Variants in RNF141 observed in about 807,000 individuals in gnomAD.
RNF141 encodes ring finger protein 141, also known as C3HC4-like zinc finger protein.
In RNF141, 18 loss-of-function variants were observed where a neutral mutation model predicts 27.4. The observed-to-expected ratio is 0.66, with a 90% CI of 0.45 to 0.97. The LOEUF (loss-of-function observed/expected upper bound fraction) is 0.97, where lower values mean the gene tolerates loss of function less well. Ranked by LOEUF, RNF141 falls within the 50% of genes least tolerant of loss-of-function variation. RNF141 has a pLI of 0.00. For missense variants in RNF141, 230 were observed against 279.4 expected (o/e 0.82, Z 1.26); for synonymous variants, 97 against 96.6 (o/e 1.00, Z -0.02).
At chr11:10,524,327 A>G (rs986484451) in intron 4 of RNF141, among the ~76,000 whole-genome samples, 1 of 152,176 alleles carries the variant, frequency 6.6e-6, no homozygotes, top group Non-Finnish European at 1.5e-5. Context: ...AGGCAGGAGA[A>G]TGGCGTGAAC....
chr11:10,516,490 A>T (rs1318119006), intron 5 of RNF141: 2 of 152,244 alleles, frequency 1.3e-5, no homozygotes, highest in African/African-American at 4.8e-5. Context: ...GAACACACAG[A>T]GCTGAGAATC....
intron 1 of RNF141, among the ~76,000 whole-genome samples, chr11:10,538,518 A>G (rs1591502420): frequency 1.3e-5 from 2 of 152,296 alleles, no homozygotes; most frequent in African/African-American, 2.4e-5. Flanking sequence ...TGGTGACTGC[A>G]CATATTTCTA....
In RNF141 at chr11:10,512,589, G is replaced by A. The variant is rs1849810163; in HGVS notation, c.*2327C>T. The A allele has an allele frequency of 6.6e-6, 1 of 152,182 alleles. No homozygotes were observed. The highest frequency in any genetic ancestry group is 1.5e-5 in the Non-Finnish European group (1 of 68,010). The allele number at this position is 152,182 out of a possible 1,614,324, so 9.4% of individuals were successfully genotyped here. A position where few individuals can be genotyped will look rare whatever the true frequency, so the allele number is the denominator to read the frequency against. On this transcript the variant is annotated 3_prime_UTR_variant, in exon 6 of 6. Coordinates refer to ENST00000265981, the MANE Select transcript of RNF141 (RefSeq NM_016422.4). ...ACTTTTCAGAAACATTTTAAAATTA[G>A]GTAATCTGAATTAAACTCAGCAAGT... is the stretch of plus-strand genomic sequence containing the variant.
chr11:10,515,888 A>T (rs565098599), intron 5 of RNF141: 2 of 152,350 alleles, frequency 1.3e-5, no homozygotes, highest in African/African-American at 4.8e-5. Context: ...TGGCAGGGGA[A>T]GAACTCATAT....
chr11:10,512,402 C>G lies in RNF141; in HGVS notation c.*2514G>C, dbSNP rs1849808587. ...ATAACATTTTATATTCACAGTAGAT[C>G]AGTAAGTGTCTTGGAGCTCATATTG... On this transcript the variant is annotated 3_prime_UTR_variant, in exon 6 of 6. Coordinates refer to ENST00000265981, the MANE Select transcript of RNF141 (RefSeq NM_016422.4). 1 of 152,536 alleles carries G rather than the reference C, an allele frequency of 6.6e-6. No homozygotes were observed. Among genetic ancestry groups the G allele is most frequent in the South Asian group, 2.1e-4 (1 of 4,822 alleles). The allele number at this position is 152,536 out of a possible 1,614,324, so 9.4% of individuals were successfully genotyped here.
At chr11:10,535,242 A>T (rs1850023581) in intron 1 of RNF141, among the ~76,000 whole-genome samples, 4 of 151,914 alleles carry the variant, frequency 2.6e-5, no homozygotes, top group Admixed American at 2.6e-4. Context: ...ATATAACTTT[A>T]TGAAGTTAGT....
intron 1 of RNF141, among the ~76,000 whole-genome samples, chr11:10,536,453 G>C (rs1269977875): frequency 6.6e-6 from 1 of 152,018 alleles, no homozygotes; most frequent in East Asian, 1.9e-4. Context: ...GACCAAAACT[G>C]GAATAAATGA....
chr11:10,529,742 G>C (rs1332553918), intron 3 of RNF141, among the ~76,000 whole-genome samples: 3 of 152,216 alleles, frequency 2.0e-5, no homozygotes, highest in East Asian at 3.8e-4. Context: ...GATCAGAAGA[G>C]AGAGATCAGT....
At chr11:10,519,184 A>G (rs781288643) in intron 4 of RNF141, 43 bp from the exon 5 acceptor site, 70 of 1,528,858 alleles carry the variant, frequency 4.6e-5, no homozygotes, top group Non-Finnish European at 6.3e-5. Flanking sequence ...ATTCTCTGTC[A>G]TTATGCTTTA....
intron 3 of RNF141, among the ~76,000 whole-genome samples, chr11:10,528,844 T>C (rs1243001847): frequency 6.6e-6 from 1 of 152,172 alleles, no homozygotes; most frequent in Admixed American, 6.5e-5. Context: ...CTAGACATAG[T>C]TCCTGCCCTC....
At position 10,539,700 on chromosome 11, in the gene RNF141, T is replaced by A. The variant is rs78459807; in HGVS notation, c.-48+1422A>T. On this transcript the variant is annotated intron_variant, in intron 1 of 5. Coordinates refer to ENST00000265981, the MANE Select transcript of RNF141 (RefSeq NM_016422.4). ...CAGAAAAAGATACATACATATATAT[T>A]AGAGAGAGAAGGAGAGAGAAACTAC... 4.7e-3 allele frequency among the ~76,000 whole-genome samples: 19 copies of A among 4,006 alleles called. 2 individuals carry two copies. The South Asian group carries it at 0.079, about 17-fold the overall frequency. 2.6% of individuals were successfully genotyped at this position (4,006 alleles called of 152,430 possible).
At chr11:10,521,847 A>T (rs1276530006) in intron 4 of RNF141, among the ~76,000 whole-genome samples, 1 of 152,204 alleles carries the variant, frequency 6.6e-6, no homozygotes, top group Non-Finnish European at 1.5e-5. Flanking sequence ...AACTGAGGAA[A>T]AAGATTGATT....
chr11:10,532,481 GT>G (rs1281746604), intron 2 of RNF141, among the ~76,000 whole-genome samples: 1 of 142,076 alleles, frequency 7.0e-6, no homozygotes, highest in African/African-American at 2.6e-5. Context: ...ACTGGGAATA[GT>G]TTAGTTCATT....
intron 1 of RNF141, among the ~76,000 whole-genome samples, chr11:10,536,409 A>G (rs1850036631): frequency 1.3e-5 from 2 of 152,146 alleles, no homozygotes; most frequent in Admixed American, 1.3e-4. Context: ...TTTGTTGATG[A>G]CCTGAAGACT....
intron 5 of RNF141, chr11:10,517,618 G>GA (rs1276532301): frequency 6.6e-6 from 1 of 151,788 alleles, no homozygotes; most frequent in Non-Finnish European, 1.5e-5. Flanking sequence ...AAAACAGAGG[G>GA]AAAAAATGGC....
chr11:10,521,800 T>C (rs1564866219), intron 4 of RNF141, among the ~76,000 whole-genome samples: 3 of 152,242 alleles, frequency 2.0e-5, no homozygotes, highest in Admixed American at 2.0e-4. Context: ...TCTGTGTATA[T>C]GTAACCAGGA....
At chr11:10,527,900 C>T (rs1849951767) in intron 3 of RNF141, among the ~76,000 whole-genome samples, 1 of 152,028 alleles carries the variant, frequency 6.6e-6, no homozygotes, top group Non-Finnish European at 1.5e-5. Flanking sequence ...TTTGATGTGA[C>T]AGGACTCACT....
At chr11:10,534,639 C>A (rs1002080072) in intron 1 of RNF141, among the ~76,000 whole-genome samples, 1 of 152,098 alleles carries the variant, frequency 6.6e-6, no homozygotes, top group African/African-American at 2.4e-5. Flanking sequence ...TTACAACAAT[C>A]CTAAGAGGTA....
intron 4 of RNF141, among the ~76,000 whole-genome samples, chr11:10,519,483 T>C (rs1053282687): frequency 6.6e-6 from 1 of 152,220 alleles, no homozygotes; most frequent in East Asian, 1.9e-4. Context: ...TTAACCGATA[T>C]AGTTATTGCA....
Sources: gnomAD v4.1 joint callset for allele counts (sites outside exome capture counted in the v4.1 genomes callset) on GRCh38, gnomAD v4.1.1 for gene constraint, MANE v1.5 for transcripts, NCBI Gene and HGNC (gene_info 2026-07-23, HGNC 2026-07-21) for gene names.